The following NF1 variants were observed in gnomAD, a reference collection of about 807,000 sequenced individuals.
NF1 encodes neurofibromin.
A neutral mutation model predicts 325.7 loss-of-function variants in NF1; 122 were observed. That is an observed-to-expected ratio of 0.37 (90% CI 0.32 to 0.44). NF1 has a LOEUF of 0.44. NF1 is among the 20% of genes least tolerant of loss of function. NF1 has a pLI of 1.00. For missense variants in NF1, 2,140 were observed against 3,415.4 expected (o/e 0.63, Z 9.31); for synonymous variants, 1,091 against 1,186.0 (o/e 0.92, Z 1.65).
intron 31 of NF1, among the ~76,000 whole-genome samples, chr17:31,257,940 T>G: frequency 6.6e-6 from 1 of 152,260 alleles, no homozygotes; most frequent in African/African-American, 2.4e-5. Flanking sequence ...TGTTGAAAAT[T>G]TAGTTTCACG....
At chr17:31,213,756 T>G (rs1429134631) in intron 12 of NF1, among the ~76,000 whole-genome samples, 1 of 152,220 alleles carries the variant, frequency 6.6e-6, no homozygotes, top group East Asian at 1.9e-4. Context: ...CTGAGTTCTT[T>G]CTGTTTTACA....
chr17:31,214,125 C>T (rs1215037582), intron 12 of NF1, among the ~76,000 whole-genome samples: 1 of 151,872 alleles, frequency 6.6e-6, no homozygotes, highest in African/African-American at 2.4e-5. Flanking sequence ...TCTTTTTTCC[C>T]TTATGTTTTT....
chr17:31,339,008 G>A (rs781230322), intron 46 of NF1, among the ~76,000 whole-genome samples: 4 of 152,126 alleles, frequency 2.6e-5, no homozygotes, highest in South Asian at 4.1e-4. Context: ...GTTCTCAAGC[G>A]CTTGTAAGTT....
Position 31,263,145 on chromosome 17 carries a change from A to G in NF1, c.4724+1288A>G, listed in dbSNP as rs546176131. Among the ~76,000 whole-genome samples, 9 of 148,022 alleles carry G rather than the reference A, an allele frequency of 6.1e-5. No homozygotes were observed. In the South Asian group the frequency reaches 1.9e-3, roughly 31 times the overall value. ...TAGATAAGATAAGATAAGATAAGAT[A>G]GATAAGATAGATAGATTGGGCACAG... On this transcript the variant is annotated intron_variant, in intron 35 of 57. Coordinates refer to ENST00000358273, the MANE Select transcript of NF1 (RefSeq NM_001042492.3).
At chr17:31,210,010 C>T (rs1338103364) in intron 12 of NF1, among the ~76,000 whole-genome samples, 1 of 152,082 alleles carries the variant, frequency 6.6e-6, no homozygotes, top group Non-Finnish European at 1.5e-5. Context: ...GCTAAAGAAA[C>T]TGAAGCTTAA....
At chr17:31,317,473 G>T (rs1335339919) in intron 36 of NF1, 1 of 151,582 alleles carries the variant, frequency 6.6e-6, no homozygotes, top group African/African-American at 2.4e-5. Flanking sequence ...GGTACTTGTT[G>T]TTAATGTTCC....
chr17:31,364,057 G>A (rs1486334208), intron 57 of NF1, among the ~76,000 whole-genome samples: 1 of 152,124 alleles, frequency 6.6e-6, no homozygotes, highest in Admixed American at 6.5e-5. Context: ...TTTCTTTATG[G>A]CGTTGAGTTT....
At chr17:31,210,456 G>A (rs1222553555) in intron 12 of NF1, among the ~76,000 whole-genome samples, 3 of 152,066 alleles carry the variant, frequency 2.0e-5, no homozygotes, top group Admixed American at 2.0e-4. Flanking sequence ...GTGGTGGCAG[G>A]CACTTGTAGT....
intron 5 of NF1, among the ~76,000 whole-genome samples, chr17:31,171,466 AC>A (rs1434937768): frequency 1.3e-5 from 2 of 152,174 alleles, no homozygotes; most frequent in African/African-American, 4.8e-5. Flanking sequence ...TGTTTTGGAA[AC>A]AAGTCTAGTC....
At chr17:31,166,980 C>T (rs1446897239) in intron 4 of NF1, among the ~76,000 whole-genome samples, 1 of 152,138 alleles carries the variant, frequency 6.6e-6, no homozygotes, top group Non-Finnish European at 1.5e-5. Context: ...CCTAGACTTT[C>T]TAGCTGTTTT....
chr17:31,349,948 T>C (rs773702152), intron 49 of NF1, among the ~76,000 whole-genome samples: 5 of 152,234 alleles, frequency 3.3e-5, no homozygotes, highest in Non-Finnish European at 5.9e-5. Flanking sequence ...TTCAGCTTAA[T>C]AATACCTGCC....
intron 8 of NF1, chr17:31,183,030 G>C: frequency 1.9e-6 from 1 of 523,324 alleles, no homozygotes; most frequent in Admixed American, 3.5e-5. Flanking sequence ...CATGTACTTA[G>C]GGTATGTGTC....
At chr17:31,204,489 T>C (rs1194036077) in intron 11 of NF1, among the ~76,000 whole-genome samples, 3 of 152,142 alleles carry the variant, frequency 2.0e-5, no homozygotes, top group Non-Finnish European at 4.4e-5. Context: ...ATTTAGTAAC[T>C]GCTCAAAATA....
intron 1 of NF1, among the ~76,000 whole-genome samples, chr17:31,142,807 C>G (rs1229272759): frequency 1.3e-5 from 2 of 151,176 alleles, no homozygotes; most frequent in Non-Finnish European, 2.9e-5. Context: ...GCGGAGCTTG[C>G]AGTGAACCGA....
chr17:31,100,769 G>A (rs1435878394), intron 1 of NF1, among the ~76,000 whole-genome samples: 1 of 151,958 alleles, frequency 6.6e-6, no homozygotes, highest in Admixed American at 6.6e-5. Flanking sequence ...GGGTTTCACC[G>A]TGCTAGCCAG....
intron 8 of NF1, among the ~76,000 whole-genome samples, chr17:31,193,347 A>T (rs1203263775): frequency 2.0e-5 from 3 of 152,146 alleles, no homozygotes; most frequent in Non-Finnish European, 4.4e-5. Context: ...ACCATTTTTT[A>T]AAAAAGAGAC....
chr17:31,133,181 A>G (rs374841685), intron 1 of NF1: 1 of 152,006 alleles, frequency 6.6e-6, no homozygotes, highest in South Asian at 2.1e-4. Flanking sequence ...CCACCATTCT[A>G]CTTTCTGTTT....
At chr17:31,219,325 A>G in intron 14 of NF1, 1 of 338,720 alleles carries the variant, frequency 3.0e-6, no homozygotes, top group Non-Finnish European at 5.3e-6. Context: ...ACATTGTACA[A>G]ATTCTGATGC....
At chr17:31,320,401 CT>C in intron 36 of NF1, 1 of 1,608,432 alleles carries the variant, frequency 6.2e-7, no homozygotes. Flanking sequence ...GCCTGAAAGT[CT>C]TTGTTTCCAA....
Sources: allele counts gnomAD v4.1 joint callset (sites outside exome capture counted in the v4.1 genomes callset), GRCh38; gene constraint gnomAD v4.1.1; transcripts MANE v1.5; gene names NCBI Gene and HGNC (gene_info 2026-07-23, HGNC 2026-07-21).